The following RENBP variants were observed in gnomAD, a reference collection of about 807,000 sequenced individuals.
The protein encoded by RENBP is renin binding protein.
RENBP carries 16 observed loss-of-function variants against 37.8 expected under a neutral mutation model. The ratio of observed to expected loss-of-function variants is 0.42; its 90% confidence interval spans 0.29 to 0.64. The LOEUF is 0.64. Ranked by LOEUF, RENBP falls within the 30% of genes least tolerant of loss-of-function variation. RENBP has a pLI of 0.19. For synonymous variants in RENBP, 170 were observed against 154.8 expected (o/e 1.10, Z -0.73); for missense variants, 347 against 379.5 (o/e 0.91, Z 0.71).
intron 3 of RENBP, 24 bp from the exon 4 acceptor site, chrX:153,943,994 G>A (rs1557110109): frequency 8.3e-7 from 1 of 1,205,634 alleles, no homozygotes. Flanking sequence ...GAGGGAAAGT[G>A]GCTTAAGTGG....
In RENBP at chrX:153,941,936, A is replaced by AC; in HGVS notation, c.769+13dup. 4.9e-6 allele frequency: 2 copies of AC among 407,204 alleles called. No individual in the cohort carries two copies. Among genetic ancestry groups the AC allele is most frequent in the Non-Finnish European group, 7.7e-6 (2 of 259,107 alleles). 33.6% of individuals were successfully genotyped at this position (407,204 alleles called of 1,213,427 possible). A position where few individuals can be genotyped will look rare whatever the true frequency, so the allele number is the denominator to read the frequency against. On this transcript the variant is annotated intron_variant, in intron 7 of 10. Transcript: ENST00000393700. Reference sequence around the variant, plus strand: ...CCTCCTCCTGGGTGGCCCCCAGCCCACCCCGCCCCTCACCTGGGTTCTGCT... The same window carrying AC: ...CCTCCTCCTGGGTGGCCCCCAGCCCACCCCCGCCCCTCACCTGGGTTCTGCT...
chrX:153,944,428 A>G lies in RENBP; in HGVS notation c.28-10T>C, dbSNP rs1557110229. ...GCTCTTTCTCCATGTCCTAGGGGAA[A>G]TGGGGCTTGAAGGCGCAGCCCCCAC... On this transcript the variant is annotated splice_polypyrimidine_tract_variant and intron_variant, in intron 1 of 10. Transcript: ENST00000393700. 8.3e-7 allele frequency: 1 copy of G among 1,200,199 alleles called. No individual in the cohort carries two copies. The highest frequency in any genetic ancestry group is 1.8e-5 in the African/African-American group (1 of 56,665).
At chrX:153,936,730 T>C (rs1288659355) in intron 9 of RENBP, among the ~76,000 whole-genome samples, 1 of 110,516 alleles carries the variant, frequency 9.0e-6, no homozygotes, top group Non-Finnish European at 1.9e-5. Context: ...CCCATTCCAC[T>C]CTCTTTCCTT....
chrX:153,943,447 G>A, intron 5 of RENBP, 99 bp downstream of exon 5: 1 of 871,400 alleles, frequency 1.1e-6, no homozygotes, highest in Non-Finnish European at 1.6e-6. Context: ...CCCACAGATG[G>A]GTCCATGGGA....
At chrX:153,943,510 G>A in intron 5 of RENBP, 36 bp downstream of exon 5, 1 of 1,180,409 alleles carries the variant, frequency 8.5e-7, no homozygotes. Flanking sequence ...CAGGGTCGCA[G>A]GGTGGGGTCT....
chrX:153,935,792 C>T (rs949762498), intron 9 of RENBP, among the ~76,000 whole-genome samples: 4 of 112,873 alleles, frequency 3.5e-5, no homozygotes, highest in Non-Finnish European at 7.5e-5. Context: ...GGGGATGAGA[C>T]ACTGCTAGAT....
chrX:153,942,340 G>A (rs1402299865), intron 6 of RENBP: 1 of 209,039 alleles, frequency 4.8e-6, no homozygotes, highest in Non-Finnish European at 8.5e-6. Context: ...GGGTTCATGC[G>A]ATTCTCCTGC....
At chrX:153,944,206 C>T in intron 2 of RENBP, 51 bp from the exon 3 acceptor site, 2 of 1,186,256 alleles carry the variant, frequency 1.7e-6, no homozygotes. Context: ...GCCAGCCCCT[C>T]CTGCCCCTCT....
In RENBP at chrX:153,943,974, C is replaced by T. The variant is rs782062324; in HGVS notation, c.214-4G>A. On this transcript the variant is annotated splice_region_variant and splice_polypyrimidine_tract_variant and intron_variant, in intron 3 of 10. Coordinates refer to ENST00000393700, the MANE Select transcript of RENBP (RefSeq NM_002910.6). Reference sequence around the variant, plus strand: ...ACAGGCGACAATACATCCATACCTGCGGGGTACGGGAGGGAAAGTGGCTTA... The same window carrying T: ...ACAGGCGACAATACATCCATACCTGTGGGGTACGGGAGGGAAAGTGGCTTA... 20 of 1,202,685 alleles carry T rather than the reference C, an allele frequency of 1.7e-5. No individual in the cohort carries two copies. Among genetic ancestry groups the T allele is most frequent in the Middle Eastern group, 2.3e-4 (1 of 4,341 alleles).
At position 153,941,554 on chromosome X, in the gene RENBP, G is replaced by A; in HGVS notation, c.869C>T (p.Pro290Leu). ...GTCAGGGTCCCATCCGGAGTGGAAG[G>A]GCAACAATAGGAACTTGTCAATCAC... ...AHVIDKFLLLPFHSGWDPDHG... is the reference protein window; with the variant it reads ...AHVIDKFLLLLFHSGWDPDHG... The change falls in exon 8 of 11, where the codon CCC becomes CTC. Residue 290 changes from proline to leucine, a missense_variant. Pro to Leu is a moderately conservative substitution (Grantham distance 98). Around this residue, in one of 3 missense-constraint regions of RENBP, gnomAD observed 244 missense variants for 279.4 expected, o/e 0.87. Transcript: ENST00000393700. The A allele has an allele frequency of 1.7e-6, 2 of 1,210,093 alleles. No homozygotes were observed. The highest frequency in any genetic ancestry group is 2.2e-6 in the Non-Finnish European group (2 of 894,580).
At chrX:153,944,542 A>G in intron 1 of RENBP, 42 bp downstream of exon 1, 1 of 1,164,552 alleles carries the variant, frequency 8.6e-7, no homozygotes, top group Non-Finnish European at 1.2e-6. Context: ...CATCCCCGGG[A>G]CCCTCCAAGA....
rs782536725 is a variant in RENBP at position 153,940,147 on chromosome X, C to A, written c.1032G>T (p.Val344=). The A allele has an allele frequency of 1.9e-5, 23 of 1,208,753 alleles. No individual in the cohort carries two copies. Among genetic ancestry groups the A allele is most frequent in the Non-Finnish European group, 2.5e-5 (22 of 894,751 alleles). Residue 344 remains valine (V), a synonymous_variant, in exon 9 of 11, where the codon GTG becomes GTT. Transcript: ENST00000393700. ...CCACTTGGTAGAAGAGGCGCAGCAG[C>A]ACAGGGTCCCCACTGTCACTGTAAC... ...LMGYSDSGDP[V]LLRLFYQVAE... is the part of the protein sequence containing the mutation.
intron 9 of RENBP, among the ~76,000 whole-genome samples, chrX:153,938,140 C>T (rs1557108876): frequency 8.9e-6 from 1 of 112,671 alleles, no homozygotes; most frequent in African/African-American, 3.2e-5. Context: ...CCCTAACACA[C>T]ACTCTATGAA....
At chrX:153,937,884 C>T (rs111785060) in intron 9 of RENBP, among the ~76,000 whole-genome samples, 1,527 of 110,869 alleles carry the variant, frequency 0.014, 23 homozygotes, top group African/African-American at 0.047. Flanking sequence ...CGTGAGCCAC[C>T]GCGACCAGCC....
At position 153,940,117 on chromosome X, in the gene RENBP, C is replaced by T. The variant is rs782623855; in HGVS notation, c.1062G>A (p.Glu354=). The change falls in exon 9 of 11, where the codon GAG becomes GAA. Residue 354 remains glutamate (E), a synonymous_variant. Coordinates refer to ENST00000393700, the MANE Select transcript of RENBP (RefSeq NM_002910.6). ...CAGCTCTCACCTGGCGGAAGGTGTA[C>T]TCAGCCACTTGGTAGAAGAGGCGCA... ...VLLRLFYQVA[E]YTFRQFRDPE... The T allele has an allele frequency of 2.5e-6, 3 of 1,211,281 alleles. No homozygotes were observed. Among genetic ancestry groups the T allele is most frequent in the Non-Finnish European group, 2.2e-6 (2 of 895,373 alleles).
intron 1 of RENBP, 29 bp downstream of exon 1, chrX:153,944,555 G>A (rs1557110279): frequency 8.5e-7 from 1 of 1,170,164 alleles, no homozygotes. Flanking sequence ...CTCCAAGACA[G>A]CACTCCCCCC....
At chrX:153,937,728 G>A (rs2065209602) in intron 9 of RENBP, among the ~76,000 whole-genome samples, 1 of 111,008 alleles carries the variant, frequency 9.0e-6, no homozygotes, top group Non-Finnish European at 1.9e-5. Flanking sequence ...CAGTAGTTGG[G>A]ATTACAGGCA....
Position 153,943,623 on chromosome X carries a change from G to A in RENBP, c.385C>T (p.Arg129Ter), listed in dbSNP as rs1278300580. The part of the protein sequence containing the change: ...TRDGRPVKVQ[R>*]TIFSECFYTM... The stretch of plus-strand genomic sequence containing the variant: ...TAGAAACACTCACTGAAGATGGTTC[G>A]CTGCACCTTGACCGGGCGGCCGTCC... Residue 129 changes from arginine to a stop codon, truncating the protein, a stop_gained, in exon 5 of 11, where the codon CGA becomes TGA. Transcript: ENST00000393700. LOFTEE classifies it high-confidence loss of function. 8.3e-7 allele frequency: 1 copy of A among 1,209,955 alleles called. No individual in the cohort carries two copies. The highest frequency in any genetic ancestry group is 1.7e-5 in the African/African-American group (1 of 57,257).
At chrX:153,940,388 G>C (rs1260468013) in intron 8 of RENBP, among the ~76,000 whole-genome samples, 155 bp from the exon 9 acceptor site, 1 of 111,924 alleles carries the variant, frequency 8.9e-6, no homozygotes. Flanking sequence ...TCAGCTTCCT[G>C]ACCTGTAGAT....
Sources: allele counts gnomAD v4.1 joint callset (sites outside exome capture counted in the v4.1 genomes callset), GRCh38; gene constraint gnomAD v4.1.1; regional missense constraint gnomAD v4.1.1; transcripts MANE v1.5; gene names NCBI Gene and HGNC (gene_info 2026-07-23, HGNC 2026-07-21).